DIAPH3: variants seen among roughly 807,000 people sequenced by gnomAD.
DIAPH3 encodes protein diaphanous homolog 3.
In DIAPH3, 117 loss-of-function variants were observed where a neutral mutation model predicts 144.3. That is an observed-to-expected ratio of 0.81 (90% CI 0.70 to 0.95). The LOEUF is 0.95. DIAPH3 is among the 40% of genes least tolerant of loss of function. The probability of loss-of-function intolerance (pLI) is 0.00; values close to 1 mark genes in which losing one functional copy is unlikely to be tolerated. For synonymous variants in DIAPH3, 519 were observed against 488.9 expected, an observed-to-expected ratio of 1.06 and a Z score of -0.81; for missense variants, 1,421 against 1,412.7, an observed-to-expected ratio of 1.01 and a Z score of -0.09.
intron 22 of DIAPH3, among the ~76,000 whole-genome samples, chr13:59,854,187 G>A (rs2043135667): frequency 6.6e-6 from 1 of 152,036 alleles, no homozygotes; most frequent in Non-Finnish European, 1.5e-5. Context: ...GAACACGAAG[G>A]ACTCTGAGTA....
chr13:59,774,206 A>G lies in DIAPH3; in HGVS notation c.3302T>C (p.Leu1101Pro), dbSNP rs1315505221. 1.2e-6 allele frequency: 2 copies of G among 1,613,268 alleles called. No individual in the cohort carries two copies. Among genetic ancestry groups the G allele is most frequent in the African/African-American group, 1.3e-5 (1 of 74,902 alleles). ...SLSPMSQRPV[L>P]KVCNHENQKV... The stretch of plus-strand genomic sequence containing the variant: ...TTTATTACCATGGTTACAAACTTTC[A>G]GAACAGGCCTCTGAGACATTGGACT... The change falls in exon 27 of 28, where the codon CTG (leucine) becomes CCG (proline). Residue 1101 changes from leucine (L) to proline (P), a missense_variant. Leu to Pro is a moderately conservative substitution (Grantham distance 98). Coordinates refer to ENST00000400324, the MANE Select transcript of DIAPH3 (RefSeq NM_001042517.2).
At chr13:59,831,262 C>T (rs1026662181) in intron 24 of DIAPH3, among the ~76,000 whole-genome samples, 1 of 151,858 alleles carries the variant, frequency 6.6e-6, no homozygotes, top group East Asian at 1.9e-4. Flanking sequence ...GTCCCCAAGA[C>T]ACCCTCATGT....
intron 22 of DIAPH3, among the ~76,000 whole-genome samples, chr13:59,860,156 TAGA>T (rs1310688465): frequency 6.6e-6 from 1 of 152,154 alleles, no homozygotes; most frequent in Non-Finnish European, 1.5e-5. Flanking sequence ...CCTCATTTTA[TAGA>T]AGAAGAACAA....
intron 20 of DIAPH3, among the ~76,000 whole-genome samples, chr13:59,886,673 A>G (rs2045472022): frequency 6.6e-6 from 1 of 152,044 alleles, no homozygotes; most frequent in Non-Finnish European, 1.5e-5. Context: ...AAATCTGCAC[A>G]TATTTAGTGA....
At chr13:59,694,506 C>T (rs1010542727) in intron 27 of DIAPH3, among the ~76,000 whole-genome samples, 1 of 152,066 alleles carries the variant, frequency 6.6e-6, no homozygotes, top group Non-Finnish European at 1.5e-5. Flanking sequence ...GGTACTTCAA[C>T]AACTTAAGAA....
chr13:59,691,159 C>T (rs2033497615), intron 27 of DIAPH3, among the ~76,000 whole-genome samples: 1 of 152,042 alleles, frequency 6.6e-6, no homozygotes, highest in Admixed American at 6.6e-5. Flanking sequence ...GGCAGGATGG[C>T]TGTTAATTAT....
chr13:59,697,806 G>A (rs342565), intron 27 of DIAPH3, among the ~76,000 whole-genome samples: 103,871 of 152,050 alleles, frequency 0.68, 35,682 homozygotes, highest in East Asian at 0.83. Flanking sequence ...TGTTCAGGAT[G>A]TTTAAAAACA....
At chr13:60,034,139 G>C (rs1353706107) in intron 5 of DIAPH3, among the ~76,000 whole-genome samples, 1 of 152,122 alleles carries the variant, frequency 6.6e-6, no homozygotes. Flanking sequence ...TTTAGTATCT[G>C]CAGTTTAATA....
At chr13:59,798,675 A>AT (rs1201726800) in intron 25 of DIAPH3, among the ~76,000 whole-genome samples, 1 of 152,234 alleles carries the variant, frequency 6.6e-6, no homozygotes, top group African/African-American at 2.4e-5. Context: ...CCAAAGGATC[A>AT]TTCTTAGTAC....
intron 27 of DIAPH3, among the ~76,000 whole-genome samples, chr13:59,667,748 C>T (rs928010687): frequency 1.3e-5 from 2 of 152,044 alleles, no homozygotes; most frequent in Non-Finnish European, 2.9e-5. Flanking sequence ...ATTCATGTAA[C>T]CTTGAATGGG....
chr13:59,944,051 G>C (rs1760219308), intron 17 of DIAPH3, among the ~76,000 whole-genome samples: 1 of 151,772 alleles, frequency 6.6e-6, no homozygotes, highest in South Asian at 2.1e-4. Flanking sequence ...GTCTCTACAA[G>C]AAAAATTTTA....
chr13:60,041,754 T>TA (rs2141188735), intron 5 of DIAPH3, among the ~76,000 whole-genome samples: 2 of 152,220 alleles, frequency 1.3e-5, no homozygotes, highest in African/African-American at 4.8e-5. Context: ...TCTTACACAA[T>TA]AAAAACCCAA....
chr13:60,118,935 C>G (rs2058765479), intron 2 of DIAPH3, among the ~76,000 whole-genome samples: 1 of 152,208 alleles, frequency 6.6e-6, no homozygotes, highest in Non-Finnish European at 1.5e-5. Context: ...TTCCTATGTC[C>G]TTTCACATGA....
intron 24 of DIAPH3, among the ~76,000 whole-genome samples, chr13:59,825,700 G>A (rs953552869): frequency 8.5e-5 from 13 of 152,144 alleles, no homozygotes; most frequent in African/African-American, 3.1e-4. Context: ...AGCACCTTTT[G>A]TTTCCTGACT....
intron 22 of DIAPH3, among the ~76,000 whole-genome samples, chr13:59,843,999 G>C (rs530930151): frequency 1.3e-5 from 2 of 151,746 alleles, no homozygotes; most frequent in African/African-American, 4.8e-5. Context: ...GCTAATGCAT[G>C]GCAGGCTTAA....
chr13:60,123,295 C>T (rs760869934), intron 2 of DIAPH3, among the ~76,000 whole-genome samples: 12 of 152,108 alleles, frequency 7.9e-5, no homozygotes, highest in African/African-American at 9.7e-5. Flanking sequence ...TGCACCCAGA[C>T]GACAGAGACC....
chr13:60,162,809 T>TCACTCA (rs1952362059), intron 1 of DIAPH3, among the ~76,000 whole-genome samples: 1 of 122,424 alleles, frequency 8.2e-6, no homozygotes, highest in Admixed American at 8.4e-5. Context: ...TCTCTCTCTC[T>TCACTCA]CACACACACA....
intron 20 of DIAPH3, among the ~76,000 whole-genome samples, chr13:59,900,608 A>G (rs924956592): frequency 1.3e-5 from 2 of 152,202 alleles, no homozygotes; most frequent in Admixed American, 1.3e-4. Flanking sequence ...CAGGGAGAAG[A>G]CTGAGAAAAA....
chr13:60,093,868 G>T, intron 3 of DIAPH3, 136 bp from the exon 4 acceptor site: 1 of 661,522 alleles, frequency 1.5e-6, no homozygotes. Flanking sequence ...GTGTAGTTCT[G>T]CCTGAAGGAA....
Sources: allele counts gnomAD v4.1 joint callset (sites outside exome capture counted in the v4.1 genomes callset), GRCh38; gene constraint gnomAD v4.1.1; transcripts MANE v1.5; gene names NCBI Gene and HGNC (gene_info 2026-07-23, HGNC 2026-07-21).